Variants in AGBL4 observed in about 807,000 individuals in gnomAD.
The protein encoded by AGBL4 is cytosolic carboxypeptidase 6.
A neutral mutation model predicts 66.4 loss-of-function variants in AGBL4; 58 were observed. The observed-to-expected ratio is 0.87, with a 90% confidence interval of 0.71 to 1.09. The LOEUF (loss-of-function observed/expected upper bound fraction) is 1.09, where lower values mean the gene tolerates loss of function less well. Among genes scored for constraint, AGBL4 ranks in the 50% least tolerant of loss-of-function variants. The pLI, the probability that AGBL4 is intolerant of heterozygous loss-of-function variation, is 0.00. For synonymous variants in AGBL4, 234 were observed against 222.9 expected, an observed-to-expected ratio of 1.05 and a Z score of -0.44; for missense variants, 579 against 631.0, an observed-to-expected ratio of 0.92 and a Z score of 0.88.
intron 6 of AGBL4, among the ~76,000 whole-genome samples, chr1:48,732,383 A>T (rs1426749963): frequency 6.6e-6 from 1 of 152,234 alleles, no homozygotes; most frequent in African/African-American, 2.4e-5. Context: ...TGAATCAACA[A>T]ATATTTATTG....
chr1:49,753,097 T>G (rs1169069519), intron 2 of AGBL4, among the ~76,000 whole-genome samples: 1 of 152,236 alleles, frequency 6.6e-6, no homozygotes, highest in African/African-American at 2.4e-5. Context: ...ATGTGTGAAT[T>G]GGATCCTGTC....
chr1:49,308,486 T>C (rs1169050498), intron 3 of AGBL4, among the ~76,000 whole-genome samples: 1 of 151,976 alleles, frequency 6.6e-6, no homozygotes, highest in Non-Finnish European at 1.5e-5. Flanking sequence ...GATTATTCAG[T>C]TCTCTAATGT....
intron 11 of AGBL4, among the ~76,000 whole-genome samples, chr1:48,577,596 C>T (rs1557800396): frequency 6.6e-6 from 1 of 152,058 alleles, no homozygotes; most frequent in Non-Finnish European, 1.5e-5. Flanking sequence ...CAGGCCTGGG[C>T]AGGAGACATT....
At chr1:49,027,679 C>A (rs1365034040) in intron 5 of AGBL4, among the ~76,000 whole-genome samples, 1 of 152,112 alleles carries the variant, frequency 6.6e-6, no homozygotes, top group African/African-American at 2.4e-5. Flanking sequence ...TAGCCCCCAT[C>A]CCCATTCTAT....
intron 3 of AGBL4, among the ~76,000 whole-genome samples, chr1:49,555,719 G>C (rs1653385971): frequency 6.7e-6 from 1 of 149,540 alleles, no homozygotes. Flanking sequence ...GTGGGCCAAG[G>C]ATATGAACAG....
At chr1:49,923,385 A>G (rs965191087) in intron 1 of AGBL4, among the ~76,000 whole-genome samples, 1 of 152,182 alleles carries the variant, frequency 6.6e-6, no homozygotes, top group Admixed American at 6.5e-5. Context: ...CCTAGGAAAT[A>G]CCATTTTAAA....
intron 5 of AGBL4, among the ~76,000 whole-genome samples, chr1:48,952,709 G>T (rs1005866744): frequency 1.3e-5 from 2 of 152,210 alleles, no homozygotes; most frequent in African/African-American, 4.8e-5. Flanking sequence ...TAGATAGGTG[G>T]AAGATGATGG....
At chr1:49,301,557 AT>A (rs1644745223) in intron 3 of AGBL4, among the ~76,000 whole-genome samples, 1 of 152,196 alleles carries the variant, frequency 6.6e-6, no homozygotes. Context: ...CAAGGTTAAA[AT>A]TATGGTAGGG....
intron 5 of AGBL4, among the ~76,000 whole-genome samples, chr1:48,926,282 A>C (rs1571016838): frequency 6.7e-6 from 1 of 149,022 alleles, no homozygotes; most frequent in Non-Finnish European, 1.5e-5. Context: ...ATTTTATTTT[A>C]TTTTATTTAT....
intron 6 of AGBL4, among the ~76,000 whole-genome samples, chr1:48,765,844 G>T (rs1359388847): frequency 2.0e-5 from 3 of 152,188 alleles, no homozygotes; most frequent in East Asian, 1.9e-4. Flanking sequence ...TCATTTATAT[G>T]AAATGTTCAG....
At chr1:49,947,031 C>A (rs1229061759) in intron 1 of AGBL4, among the ~76,000 whole-genome samples, 1 of 151,466 alleles carries the variant, frequency 6.6e-6, no homozygotes, top group African/African-American at 2.4e-5. Flanking sequence ...CTGAACAGAC[C>A]AATAACAAGC....
At chr1:48,628,272 C>T (rs149845060) in intron 9 of AGBL4, among the ~76,000 whole-genome samples, 1,965 of 152,212 alleles carry the variant, frequency 0.013, 27 homozygotes, top group Non-Finnish European at 0.018. Context: ...TAGAATGACT[C>T]CAAGATTTCT....
chr1:48,780,144 A>G (rs1023095284), intron 6 of AGBL4, among the ~76,000 whole-genome samples: 2 of 151,740 alleles, frequency 1.3e-5, no homozygotes, highest in East Asian at 3.9e-4. Flanking sequence ...CATCAACTAC[A>G]TTAGGTATTT....
At chr1:48,606,493 C>T (rs75322264) in intron 9 of AGBL4, among the ~76,000 whole-genome samples, 185 of 152,308 alleles carry the variant, frequency 1.2e-3, no homozygotes, top group African/African-American at 4.3e-3. Context: ...TCAGGAAAAA[C>T]ATCATAGTAG....
intron 3 of AGBL4, among the ~76,000 whole-genome samples, chr1:49,588,585 C>T (rs1384574672): frequency 6.6e-6 from 1 of 152,182 alleles, no homozygotes; most frequent in Non-Finnish European, 1.5e-5. Context: ...TAATGTAAAA[C>T]TCCCCAGCCT....
At chr1:49,312,250 C>A (rs556080121) in intron 3 of AGBL4, among the ~76,000 whole-genome samples, 1 of 152,016 alleles carries the variant, frequency 6.6e-6, no homozygotes, top group Non-Finnish European at 1.5e-5. Flanking sequence ...GCATTTACTC[C>A]TTCCTTCCCT....
At chr1:48,740,636 A>T (rs1342573761) in intron 6 of AGBL4, among the ~76,000 whole-genome samples, 1 of 152,206 alleles carries the variant, frequency 6.6e-6, no homozygotes, top group Non-Finnish European at 1.5e-5. Flanking sequence ...ATGGAACTTG[A>T]TCAAAATATA....
chr1:49,910,627 T>C (rs1349046815), intron 1 of AGBL4, among the ~76,000 whole-genome samples: 4 of 150,214 alleles, frequency 2.7e-5, no homozygotes, highest in Non-Finnish European at 3.0e-5. Context: ...AGAACAATTA[T>C]CTGGAAGTGA....
chr1:48,602,612 T>C (rs1645089729), intron 9 of AGBL4, among the ~76,000 whole-genome samples: 1 of 152,182 alleles, frequency 6.6e-6, no homozygotes, highest in East Asian at 1.9e-4. Context: ...CATCACTACT[T>C]TTCAAAGAAG....
Sources: allele counts gnomAD v4.1 joint callset (sites outside exome capture counted in the v4.1 genomes callset), GRCh38; gene constraint gnomAD v4.1.1; transcripts MANE v1.5; gene names NCBI Gene and HGNC (gene_info 2026-07-23, HGNC 2026-07-21).